Variants in DYNC1H1 observed in about 807,000 individuals in gnomAD.
DYNC1H1 encodes the protein dynein cytoplasmic 1 heavy chain 1.
Under a neutral mutation model 527.1 loss-of-function variants are expected in DYNC1H1, and 51 were observed. The ratio of observed to expected loss-of-function variants is 0.10; its 90% CI spans 0.08 to 0.12. The LOEUF is 0.12. Ranked by LOEUF, DYNC1H1 falls within the 10% of genes least tolerant of loss-of-function variation. DYNC1H1 has a pLI of 1.00. For synonymous variants in DYNC1H1, 2,189 were observed against 2,278.8 expected (o/e 0.96, Z 1.12); for missense variants, 2,771 against 5,971.8 (o/e 0.46, Z 17.66).
At position 102,012,161 on chromosome 14, in the gene DYNC1H1, A is replaced by C. The variant is rs753482962; in HGVS notation, c.6857+48A>C. ...TTGTGTTCTCCTGGATATGGGCGCTAAGTACTTTGCTCTCACAAGAGCAGA... is the reference window on the plus strand; with the variant it reads ...TTGTGTTCTCCTGGATATGGGCGCTCAGTACTTTGCTCTCACAAGAGCAGA... On this transcript the variant is annotated intron_variant, in intron 33 of 77. Coordinates refer to ENST00000360184, the MANE Select transcript of DYNC1H1 (RefSeq NM_001376.5). The surrounding 1 kb of genome is among the most constrained non-coding windows in gnomAD (Gnocchi z 4.9). 6.2e-7 allele frequency: 1 copy of C among 1,612,178 alleles called. No homozygotes were observed. Among genetic ancestry groups the C allele is most frequent in the Non-Finnish European group, 8.5e-7 (1 of 1,178,288 alleles).
intron 43 of DYNC1H1, among the ~76,000 whole-genome samples, chr14:102,026,304 G>A (rs2048450318): frequency 6.6e-6 from 1 of 152,134 alleles, no homozygotes; most frequent in Admixed American, 6.5e-5. Context: ...TTATAGTAGA[G>A]TGTTTTTTTC....
chr14:102,034,411 C>T lies in DYNC1H1; in HGVS notation c.10713C>T (p.Asp3571=), dbSNP rs1177988460. Residue 3571 remains aspartate (D), a synonymous_variant, in exon 56 of 78, where the codon GAC becomes GAT. Transcript: ENST00000360184. Reference sequence around the variant, plus strand: ...AGGCCAGCTCCTTGCCTGCTGATGACCTTTGCACAGAAAATGCCATCATGC... The same window carrying T: ...AGGCCAGCTCCTTGCCTGCTGATGATCTTTGCACAGAAAATGCCATCATGC... ...RWQASSLPAD[D]LCTENAIMLK... 8 of 1,613,634 alleles carry T rather than the reference C, an allele frequency of 5.0e-6. No homozygotes were observed. In the South Asian group the frequency reaches 8.8e-5, roughly 18 times the overall value.
intron 1 of DYNC1H1, among the ~76,000 whole-genome samples, chr14:101,971,960 A>T (rs2047743697): frequency 6.6e-6 from 1 of 152,208 alleles, no homozygotes; most frequent in African/African-American, 2.4e-5. Context: ...CTCATGAAGC[A>T]GGCCCAGTAC....
chr14:101,967,297 A>G (rs1371086745), intron 1 of DYNC1H1, among the ~76,000 whole-genome samples: 1 of 152,204 alleles, frequency 6.6e-6, no homozygotes, highest in Non-Finnish European at 1.5e-5. Flanking sequence ...CAGTGAAAAG[A>G]TAGGCATGCA....
chr14:102,038,381 G>A lies in DYNC1H1; in HGVS notation c.10909-79G>A. On this transcript the variant is annotated intron_variant, in intron 57 of 77. Coordinates refer to ENST00000360184, the MANE Select transcript of DYNC1H1 (RefSeq NM_001376.5). This position sits in a 1 kb window ranked among gnomAD's most constrained non-coding sequence, Gnocchi z 7.2. The stretch of plus-strand genomic sequence containing the variant: ...TTTTGGGAAGGTATGCTTATCCAGA[G>A]TAGGACAGCAACATAGCATTTGGGT... 1.3e-6 allele frequency: 2 copies of A among 1,581,820 alleles called. No homozygotes were observed. Among genetic ancestry groups the A allele is most frequent in the Non-Finnish European group, 1.7e-6 (2 of 1,168,664 alleles).
chr14:102,017,612 C>G lies in DYNC1H1; in HGVS notation c.8177+108C>G, dbSNP rs1247283008. Reference sequence around the variant, plus strand: ...TTTGATAATAAAGACAACAATACTGCTTATTGTGGATTCCTCTTGGGTTAC... The same window carrying G: ...TTTGATAATAAAGACAACAATACTGGTTATTGTGGATTCCTCTTGGGTTAC... On this transcript the variant is annotated intron_variant, in intron 40 of 77. Transcript: ENST00000360184. This position sits in a 1 kb window ranked among gnomAD's most constrained non-coding sequence, Gnocchi z 4.6. 5.2e-6 allele frequency: 8 copies of G among 1,552,568 alleles called. No homozygotes were observed. Among genetic ancestry groups the G allele is most frequent in the Non-Finnish European group, 7.1e-6 (8 of 1,127,810 alleles).
Position 102,016,864 on chromosome 14 carries a change from G to T in DYNC1H1, c.7713G>T (p.Thr2571=), listed in dbSNP as rs767434648. 2 of 1,614,174 alleles carry T rather than the reference G, an allele frequency of 1.2e-6. No homozygotes were observed. Among genetic ancestry groups the T allele is most frequent in the Non-Finnish European group, 8.5e-7 (1 of 1,180,042 alleles). ...CAGCCCCTGATGTCGTCGTGCCAAC[G>T]CTGGACACAGTCCGCCACGAAGCCC... is the stretch of plus-strand genomic sequence containing the variant. ...KVAAPDVVVP[T]LDTVRHEALL... is the part of the protein sequence containing the mutation. The change falls in exon 38 of 78, where the codon ACG becomes ACT. Residue 2571 remains threonine, a synonymous_variant. Coordinates refer to ENST00000360184, the MANE Select transcript of DYNC1H1 (RefSeq NM_001376.5). This position sits in a 1 kb window ranked among gnomAD's most constrained non-coding sequence, Gnocchi z 7.3.
chr14:101,976,107 G>T (rs1182894954), intron 2 of DYNC1H1, among the ~76,000 whole-genome samples: 3 of 150,930 alleles, frequency 2.0e-5, no homozygotes, highest in Non-Finnish European at 4.4e-5. Context: ...GGGTTTCTCC[G>T]TGTTGGTCAG....
At position 102,027,873 on chromosome 14, in the gene DYNC1H1, G is replaced by T. The variant is rs1175010990; in HGVS notation, c.9263+40G>T. 6.2e-7 allele frequency: 1 copy of T among 1,614,182 alleles called. No individual in the cohort carries two copies. The highest frequency in any genetic ancestry group is 1.3e-5 in the African/African-American group (1 of 75,046). ...ACTTGGCTCTGGGTCAGGAAAGTCG[G>T]TGTCCTTCCAAGGGACAAAGCCTGC... On this transcript the variant is annotated intron_variant, in intron 47 of 77. Coordinates refer to ENST00000360184, the MANE Select transcript of DYNC1H1 (RefSeq NM_001376.5). This position sits in a 1 kb window ranked among gnomAD's most constrained non-coding sequence, Gnocchi z 7.7.
intron 52 of DYNC1H1, 70 bp from the exon 53 acceptor site, chr14:102,032,995 T>C (rs2048527894): frequency 6.6e-7 from 1 of 1,521,822 alleles, no homozygotes; most frequent in African/African-American, 1.4e-5. Context: ...TCTCTTCCAT[T>C]TTAATTTTAT....
At chr14:101,995,427 C>T (rs543002792) in intron 15 of DYNC1H1, 127 bp downstream of exon 15, 137 of 1,176,776 alleles carry the variant, frequency 1.2e-4, no homozygotes, top group South Asian at 1.2e-3. Context: ...CTGGCTAACA[C>T]GGTGAAATGC....
Position 102,044,097 on chromosome 14 carries a change from G to T in DYNC1H1, c.12684+52G>T. On this transcript the variant is annotated intron_variant, in intron 70 of 77. Transcript: ENST00000360184. This position sits in a 1 kb window ranked among gnomAD's most constrained non-coding sequence, Gnocchi z 7.1. ...CAGTGGACGTGTATCTGGGAAGGAT[G>T]CTGCAGGGCGTGGTGCTGAGAGGCC... 6.2e-7 allele frequency: 1 copy of T among 1,606,594 alleles called. No homozygotes were observed.
chr14:102,037,033 G>T (rs2048583636), intron 57 of DYNC1H1: 2 of 327,492 alleles, frequency 6.1e-6, no homozygotes, highest in South Asian at 5.1e-5. Context: ...GGAGGCGGAG[G>T]TTGCAGTGAG....
In DYNC1H1 at chr14:102,009,830, A is replaced by G. The variant is rs767444435; in HGVS notation, c.5978-13A>G. On this transcript the variant is annotated splice_polypyrimidine_tract_variant and intron_variant, in intron 29 of 77. Coordinates refer to ENST00000360184, the MANE Select transcript of DYNC1H1 (RefSeq NM_001376.5). The stretch of plus-strand genomic sequence containing the variant: ...TAACATTTCTAGTCTTAACGCTATC[A>G]TCTCATTCTCAGCCTCTGCCCCCAT... 1.2e-6 allele frequency: 2 copies of G among 1,613,824 alleles called. No individual in the cohort carries two copies. Among genetic ancestry groups the G allele is most frequent in the Non-Finnish European group, 1.7e-6 (2 of 1,179,974 alleles).
In DYNC1H1 at chr14:102,008,273, G is replaced by A; in HGVS notation, c.5913G>A (p.Val1971=). ...TGGAGGAGCGGATGCTCTCGGCTGT[G>A]TCCCAGCAGGTGCAGTGCATACAGG... ...NRLEERMLSA[V]SQQVQCIQEA... Residue 1971 remains valine (V), a synonymous_variant, in exon 29 of 78, where the codon GTG becomes GTA. Coordinates refer to ENST00000360184, the MANE Select transcript of DYNC1H1 (RefSeq NM_001376.5). 1 of 1,614,234 alleles carries A rather than the reference G, an allele frequency of 6.2e-7. No homozygotes were observed. The highest frequency in any genetic ancestry group is 8.5e-7 in the Non-Finnish European group (1 of 1,180,052).
At chr14:102,004,013 G>A (rs1281688067) in intron 23 of DYNC1H1, among the ~76,000 whole-genome samples, 6 of 151,918 alleles carry the variant, frequency 3.9e-5, no homozygotes, top group South Asian at 2.1e-4. Context: ...TGGCCGAGGC[G>A]GGCGGATCAC....
In DYNC1H1 at chr14:102,047,965, C is replaced by T. The variant is rs1336353690; in HGVS notation, c.13155C>T (p.Ser4385=). 8 of 1,612,800 alleles carry T rather than the reference C, an allele frequency of 5.0e-6. No individual in the cohort carries two copies. In the Admixed American group the frequency reaches 1.0e-4, roughly 20 times the overall value. ...TGCGGACACTGCACACCACCGCGTC[C>T]AACTGGCTGCACCTCATCCCCCAGA... ...AWMRTLHTTA[S]NWLHLIPQTL... The change falls in exon 73 of 78, where the codon TCC becomes TCT. Residue 4385 remains serine, a synonymous_variant. Transcript: ENST00000360184.
At chr14:102,043,484 C>CT in intron 69 of DYNC1H1, 1 of 348,060 alleles carries the variant, frequency 2.9e-6, no homozygotes, top group South Asian at 2.3e-5. Flanking sequence ...TCCTCTCCCC[C>CT]AGCACAGGCC....
In DYNC1H1 at chr14:102,020,300, C is replaced by T. The variant is rs1416773557; in HGVS notation, c.8507+244C>T. 3.3e-5 allele frequency among the ~76,000 whole-genome samples: 5 copies of T among 152,148 alleles called. No individual in the cohort carries two copies. The highest frequency in any genetic ancestry group is 7.4e-5 in the Non-Finnish European group (5 of 68,022). On this transcript the variant is annotated intron_variant, in intron 42 of 77. Coordinates refer to ENST00000360184, the MANE Select transcript of DYNC1H1 (RefSeq NM_001376.5). The surrounding 1 kb of genome is among the most constrained non-coding windows in gnomAD (Gnocchi z 4.3). ...CCCACCACTGTCTGCTTACACAAGG[C>T]ACTTTCATAAACCTTGTGGCTGTGA...
Sources: allele counts gnomAD v4.1 joint callset (sites outside exome capture counted in the v4.1 genomes callset), GRCh38; gene constraint gnomAD v4.1.1; non-coding constraint Gnocchi (gnomAD v3.1); transcripts MANE v1.5; gene names NCBI Gene and HGNC (gene_info 2026-07-23, HGNC 2026-07-21).